Variants in PCDH15 observed in about 807,000 individuals in gnomAD.
PCDH15 encodes the protein protocadherin-15.
In PCDH15, 129 loss-of-function variants were observed where a neutral mutation model predicts 178.5. The ratio of observed to expected loss-of-function variants is 0.72; its 90% CI spans 0.63 to 0.84. The LOEUF (loss-of-function observed/expected upper bound fraction) is 0.84. PCDH15 is among the 40% of genes least tolerant of loss of function. PCDH15 has a pLI of 0.00. For missense variants in PCDH15, 2,230 were observed against 2,099.9 expected (o/e 1.06, Z -1.21); for synonymous variants, 800 against 732.0 (o/e 1.09, Z -1.50).
intron 12 of PCDH15, 116 bp from the exon 13 acceptor site, chr10:54,183,709 CA>C: frequency 1.6e-6 from 2 of 1,219,316 alleles, no homozygotes; most frequent in Non-Finnish European, 1.2e-6. Flanking sequence ...TGAAAGGGTG[CA>C]AAAATATTTT....
chr10:54,997,582 G>C (rs1209062789), intron 2 of PCDH15, among the ~76,000 whole-genome samples: 1 of 152,110 alleles, frequency 6.6e-6, no homozygotes, highest in Non-Finnish European at 1.5e-5. Flanking sequence ...AAAACAAAAT[G>C]ATCTTTGTGC....
chr10:55,295,714 A>T (rs1843115499), intron 1 of PCDH15, among the ~76,000 whole-genome samples: 1 of 152,118 alleles, frequency 6.6e-6, no homozygotes, highest in Admixed American at 6.6e-5. Context: ...TTTTCTTTTT[A>T]TTCACACAAC....
intron 2 of PCDH15, among the ~76,000 whole-genome samples, chr10:54,537,613 T>C (rs946353164): frequency 6.6e-6 from 1 of 152,222 alleles, no homozygotes; most frequent in African/African-American, 2.4e-5. Context: ...GCAAGATTGG[T>C]TCAATGTATG....
chr10:55,550,908 TG>T (rs1841991272), intron 2 of PCDH15, among the ~76,000 whole-genome samples: 1 of 152,128 alleles, frequency 6.6e-6, no homozygotes. Context: ...AAAAGACAGA[TG>T]AACTTCCTTC....
intron 2 of PCDH15, among the ~76,000 whole-genome samples, chr10:55,563,761 T>A (rs1842247166): frequency 6.7e-6 from 1 of 149,090 alleles, no homozygotes; most frequent in Non-Finnish European, 1.5e-5. Context: ...ATGAACAAAA[T>A]GAAAATATCA....
At chr10:55,272,314 C>G (rs1842466261) in intron 1 of PCDH15, among the ~76,000 whole-genome samples, 1 of 151,368 alleles carries the variant, frequency 6.6e-6, no homozygotes, top group Admixed American at 6.6e-5. Flanking sequence ...TTCATAATAA[C>G]TCATTCCAGA....
At chr10:54,208,111 G>A (rs909898253) in intron 10 of PCDH15, among the ~76,000 whole-genome samples, 3 of 151,856 alleles carry the variant, frequency 2.0e-5, no homozygotes, top group Admixed American at 6.6e-5. Context: ...ATTAAAATAC[G>A]AACACTTAGT....
intron 2 of PCDH15, among the ~76,000 whole-genome samples, chr10:55,526,219 T>C (rs1415858537): frequency 2.0e-5 from 3 of 151,966 alleles, no homozygotes; most frequent in Non-Finnish European, 4.4e-5. Flanking sequence ...CATTGACTTA[T>C]AATAGATAAT....
intron 14 of PCDH15, among the ~76,000 whole-genome samples, chr10:54,146,952 ATATATATATAATG>A (rs1449467886): frequency 7.1e-5 from 7 of 99,002 alleles, no homozygotes; most frequent in African/African-American, 1.3e-4. Context: ...TATATAGTGT[ATATATATATAATG>A]TATATATATA....
intron 1 of PCDH15, among the ~76,000 whole-genome samples, chr10:55,244,870 G>T (rs2132216588): frequency 6.6e-6 from 1 of 151,740 alleles, no homozygotes; most frequent in African/African-American, 2.4e-5. Flanking sequence ...CTTTATCGAA[G>T]ATATGGTAAG....
intron 8 of PCDH15, among the ~76,000 whole-genome samples, chr10:54,293,190 A>C (rs1001915031): frequency 6.6e-6 from 1 of 152,186 alleles, no homozygotes; most frequent in African/African-American, 2.4e-5. Context: ...GATCTTTGAC[A>C]AACCTGACAA....
chr10:54,717,916 GA>G (rs2095500876), intron 1 of PCDH15, among the ~76,000 whole-genome samples: 1 of 145,140 alleles, frequency 6.9e-6, no homozygotes, highest in Non-Finnish European at 1.5e-5. Context: ...ATACACCATG[GA>G]ATACTATGCA....
chr10:54,594,059 C>T (rs1235299666), intron 2 of PCDH15, among the ~76,000 whole-genome samples: 1 of 152,142 alleles, frequency 6.6e-6, no homozygotes, highest in South Asian at 2.1e-4. Flanking sequence ...TACCACACAC[C>T]AGGACTCATT....
intron 2 of PCDH15, among the ~76,000 whole-genome samples, chr10:54,547,608 T>C (rs571878793): frequency 7.9e-5 from 12 of 152,304 alleles, no homozygotes; most frequent in African/African-American, 2.4e-4. Context: ...TACTGATGTA[T>C]ATACCTTTAG....
At chr10:54,853,283 A>G (rs1169777688) in intron 3 of PCDH15, among the ~76,000 whole-genome samples, 11 of 75,112 alleles carry the variant, frequency 1.5e-4, no homozygotes, top group South Asian at 5.3e-4. Context: ...ATGTGTATGT[A>G]TGTGTGTATA....
chr10:55,480,711 T>A (rs911049361), intron 2 of PCDH15, among the ~76,000 whole-genome samples: 9 of 151,938 alleles, frequency 5.9e-5, no homozygotes, highest in African/African-American at 2.2e-4. Flanking sequence ...AGCTTTTTGA[T>A]GTGCTGCTGG....
chr10:54,660,982 A>G (rs2094481561), intron 2 of PCDH15, among the ~76,000 whole-genome samples: 1 of 152,086 alleles, frequency 6.6e-6, no homozygotes, highest in African/African-American at 2.4e-5. Flanking sequence ...AGAGCCGTCT[A>G]TGACAAACCC....
chr10:54,916,453 T>G (rs1837340096), intron 2 of PCDH15, among the ~76,000 whole-genome samples: 1 of 152,198 alleles, frequency 6.6e-6, no homozygotes, highest in South Asian at 2.1e-4. Flanking sequence ...ATTCCTCATC[T>G]GGTATCTGTC....
At chr10:55,599,375 G>A (rs1419812629) in intron 2 of PCDH15, 1 of 152,102 alleles carries the variant, frequency 6.6e-6, no homozygotes, top group African/African-American at 2.4e-5. Flanking sequence ...CTGTTAAAGG[G>A]GGACGGATCT....
Sources: allele counts gnomAD v4.1 joint callset (sites outside exome capture counted in the v4.1 genomes callset), GRCh38; gene constraint gnomAD v4.1.1; transcripts MANE v1.5; gene names NCBI Gene and HGNC (gene_info 2026-07-23, HGNC 2026-07-21).